Variants in ZNRF3 observed in about 807,000 individuals in gnomAD.
ZNRF3 encodes E3 ubiquitin-protein ligase ZNRF3.
Under a neutral mutation model 72.5 loss-of-function variants are expected in ZNRF3, and 23 were observed. The ratio of observed to expected loss-of-function variants is 0.32; its 90% confidence interval spans 0.23 to 0.45. ZNRF3 has a LOEUF of 0.45. ZNRF3 is among the 20% of genes least tolerant of loss of function. The pLI is 1.00. For synonymous variants in ZNRF3, 610 were observed against 545.3 expected (o/e 1.12, Z -1.65); for missense variants, 1,169 against 1,272.1 (o/e 0.92, Z 1.23).
chr22:28,985,297 G>C (rs2035836618), intron 1 of ZNRF3, among the ~76,000 whole-genome samples: 1 of 152,086 alleles, frequency 6.6e-6, no homozygotes, highest in South Asian at 2.1e-4. Context: ...AGTGTAGACA[G>C]TGACCCTTCC....
intron 1 of ZNRF3, among the ~76,000 whole-genome samples, chr22:28,938,002 C>T (rs897556453): frequency 6.6e-6 from 1 of 152,134 alleles, no homozygotes; most frequent in African/African-American, 2.4e-5. Flanking sequence ...TTTGTCAGAA[C>T]AAAGGAGCCA....
chr22:29,050,147 G>C lies in ZNRF3; in HGVS notation c.1966G>C (p.Asp656His). ...GCCGGGCCCTGCCTCTCCCTCGGGGGATCAGGTGTCCACCTGCAGCCTGGA... is the reference window on the plus strand; with the variant it reads ...GCCGGGCCCTGCCTCTCCCTCGGGGCATCAGGTGTCCACCTGCAGCCTGGA... ...PWPGPASPSG[D>H]QVSTCSLEMN... The change falls in exon 8 of 9, where the codon GAT becomes CAT. Residue 656 changes from aspartate to histidine, a missense_variant. Asp to His is a moderately conservative substitution (Grantham distance 81, BLOSUM62 -1). Coordinates refer to ENST00000544604, the MANE Select transcript of ZNRF3 (RefSeq NM_001206998.2). 6.2e-7 allele frequency: 1 copy of C among 1,604,946 alleles called. No individual in the cohort carries two copies. The highest frequency in any genetic ancestry group is 8.5e-7 in the Non-Finnish European group (1 of 1,179,854).
chr22:28,940,365 T>A (rs1302500008), intron 1 of ZNRF3, among the ~76,000 whole-genome samples: 2 of 152,202 alleles, frequency 1.3e-5, no homozygotes, highest in Non-Finnish European at 2.9e-5. Flanking sequence ...TTGAGAGGTA[T>A]GGCAGTGTTA....
At chr22:28,944,028 A>C (rs751279934) in intron 1 of ZNRF3, among the ~76,000 whole-genome samples, 2 of 133,864 alleles carry the variant, frequency 1.5e-5, no homozygotes, top group African/African-American at 5.9e-5. Flanking sequence ...GCCAAAAAGG[A>C]AAAAAAAAAA....
At chr22:28,971,120 TTGAGGCTGCAG>T (rs1446639271) in intron 1 of ZNRF3, among the ~76,000 whole-genome samples, 4 of 152,120 alleles carry the variant, frequency 2.6e-5, no homozygotes, top group African/African-American at 9.7e-5. Flanking sequence ...GCCCAGGAGT[TTGAGGCTGCAG>T]TGAGCTATGA....
intron 1 of ZNRF3, among the ~76,000 whole-genome samples, chr22:28,897,167 T>C (rs180699174): frequency 1.3e-5 from 2 of 152,316 alleles, no homozygotes; most frequent in East Asian, 1.9e-4. Context: ...TCAAAATCTT[T>C]CGTGGCGTCC....
intron 2 of ZNRF3, chr22:29,026,791 G>C (rs1434395681): frequency 6.6e-6 from 1 of 152,244 alleles, no homozygotes; most frequent in Non-Finnish European, 1.5e-5. Flanking sequence ...GTGACCAGAG[G>C]ATGTCTGTGA....
intron 1 of ZNRF3, among the ~76,000 whole-genome samples, chr22:28,952,968 C>G (rs1227825179): frequency 6.6e-6 from 1 of 152,190 alleles, no homozygotes; most frequent in African/African-American, 2.4e-5. Flanking sequence ...CCTTGCCTGC[C>G]TTTGTGATGA....
At position 29,050,761 on chromosome 22, in the gene ZNRF3, C is replaced by A; in HGVS notation, c.2580C>A (p.Gly860=). 1 of 1,607,360 alleles carries A rather than the reference C, an allele frequency of 6.2e-7. No homozygotes were observed. Residue 860 remains glycine, a synonymous_variant, in exon 8 of 9, where the codon GGC becomes GGA. Coordinates refer to ENST00000544604, the MANE Select transcript of ZNRF3 (RefSeq NM_001206998.2). Reference sequence around the variant, plus strand: ...TCGGCTCCTGGGGTGGGACGCGAGGCCCGGATACCCCACGGCCCCACAGGG... The same window carrying A: ...TCGGCTCCTGGGGTGGGACGCGAGGACCGGATACCCCACGGCCCCACAGGG... ...HSLGSWGGTR[G]PDTPRPHRGL...
chr22:28,997,227 A>G (rs2036059408), intron 2 of ZNRF3, among the ~76,000 whole-genome samples: 1 of 152,158 alleles, frequency 6.6e-6, no homozygotes, highest in Admixed American at 6.5e-5. Context: ...CACGGGGCAT[A>G]CTGACTATTG....
chr22:28,957,364 G>C (rs1167000515), intron 1 of ZNRF3, among the ~76,000 whole-genome samples: 2 of 152,124 alleles, frequency 1.3e-5, no homozygotes, highest in African/African-American at 4.8e-5. Flanking sequence ...TTACCCAGAG[G>C]GTGCCCAGTA....
intron 1 of ZNRF3, among the ~76,000 whole-genome samples, chr22:28,894,851 T>C (rs918064701): frequency 6.6e-6 from 1 of 151,812 alleles, no homozygotes; most frequent in Non-Finnish European, 1.5e-5. Context: ...AAAGTGTACA[T>C]AAAAATGGGC....
chr22:28,937,211 A>AT (rs2034850974), intron 1 of ZNRF3, among the ~76,000 whole-genome samples: 5 of 3,266 alleles, frequency 1.5e-3, no homozygotes, highest in South Asian at 0.018. Flanking sequence ...ATATATATAT[A>AT]TATATTTTTT....
intron 1 of ZNRF3, among the ~76,000 whole-genome samples, chr22:28,979,371 C>A (rs964863506): frequency 6.6e-6 from 1 of 152,116 alleles, no homozygotes; most frequent in African/African-American, 2.4e-5. Context: ...ATTCTCCTTC[C>A]CCTTCTACTG....
chr22:28,981,440 C>T (rs902839601), intron 1 of ZNRF3, among the ~76,000 whole-genome samples: 11 of 152,146 alleles, frequency 7.2e-5, no homozygotes, highest in African/African-American at 2.7e-4. Flanking sequence ...ATCCTCCCAC[C>T]TCAGCCTCCC....
chr22:28,993,897 A>G (rs2035999777), intron 2 of ZNRF3, among the ~76,000 whole-genome samples: 1 of 152,190 alleles, frequency 6.6e-6, no homozygotes, highest in East Asian at 1.9e-4. Context: ...TACCCAGGCA[A>G]CAGGCTCCTA....
chr22:28,976,497 C>T (rs2035677628), intron 1 of ZNRF3, among the ~76,000 whole-genome samples: 1 of 152,114 alleles, frequency 6.6e-6, no homozygotes. Context: ...CAAAGTGAGA[C>T]CCCTGTCTGA....
intron 1 of ZNRF3, among the ~76,000 whole-genome samples, chr22:28,926,125 G>T (rs970537148): frequency 1.3e-5 from 2 of 152,196 alleles, no homozygotes; most frequent in African/African-American, 2.4e-5. Flanking sequence ...ATTTCCTAAA[G>T]CCTACTGCCC....
In ZNRF3 at chr22:29,043,351, G is replaced by C; in HGVS notation, c.554G>C (p.Gly185Ala). The change falls in exon 4 of 9, where the codon GGT becomes GCT. Residue 185 changes from glycine (G) to alanine (A), a missense_variant. This residue lies in a region of ZNRF3 where 386 missense variants were observed against 540.7 expected (regional missense o/e 0.71). Coordinates refer to ENST00000544604, the MANE Select transcript of ZNRF3 (RefSeq NM_001206998.2). ...AAGAGGCCGGTGGTGTATGTGAAGG[G>C]TGCAGATGCCATTAAGCTGATGAAC... ...PLKRPVVYVK[G>A]ADAIKLMNIV... 6.2e-7 allele frequency: 1 copy of C among 1,614,008 alleles called. No homozygotes were observed. Among genetic ancestry groups the C allele is most frequent in the Non-Finnish European group, 8.5e-7 (1 of 1,180,002 alleles).
Sources: gnomAD v4.1 joint callset for allele counts (sites outside exome capture counted in the v4.1 genomes callset) on GRCh38, gnomAD v4.1.1 for gene constraint, gnomAD v4.1.1 regional missense constraint, MANE v1.5 for transcripts, NCBI Gene and HGNC (gene_info 2026-07-23, HGNC 2026-07-21) for gene names.